The following SAMD11 variants were observed in gnomAD, a reference collection of about 807,000 sequenced individuals.
SAMD11 encodes sterile alpha motif domain containing 11, also known as sterile alpha motif domain-containing protein 11.
SAMD11 carries 77 observed loss-of-function variants against 64.4 expected under a neutral mutation model. That is an observed-to-expected ratio of 1.20 (90% confidence interval 0.99 to 1.44). SAMD11 has a LOEUF of 1.44. SAMD11 is among the 40% of genes most tolerant of loss of function. The pLI is 0.00. For missense variants in SAMD11, 1,402 were observed against 943.3 expected (o/e 1.49, Z -6.37); for synonymous variants, 658 against 421.9 (o/e 1.56, Z -6.86).
rs1641957570 is a variant in SAMD11, at chr1:943,588, ACT to A, written c.2179-109_2179-108del. The A allele has an allele frequency of 1.3e-5, 14 of 1,077,966 alleles. No homozygotes were observed. The African/African-American group carries it at 1.5e-4, about 11-fold the overall frequency. The allele number at this position is 1,077,966 out of a possible 1,614,324, so 66.8% of individuals were successfully genotyped here. A position where few individuals can be genotyped will look rare whatever the true frequency, so the allele number is the denominator to read the frequency against. ...GCCTGACACTCAAACCCAACAGATCACTGTTTTTAAAAAATTTCCGTGAGCTG... is the reference window on the plus strand; with the variant it reads ...GCCTGACACTCAAACCCAACAGATCAGTTTTTAAAAAATTTCCGTGAGCTG... On this transcript the variant is annotated intron_variant, in intron 12 of 13. Coordinates refer to ENST00000616016, the MANE Select transcript of SAMD11 (RefSeq NM_001385641.1).
chr1:943,467 C>CCAA, intron 12 of SAMD11, 90 bp downstream of exon 12: 1 of 1,170,458 alleles, frequency 8.5e-7, no homozygotes, highest in Non-Finnish European at 1.2e-6. Context: ...GGGCCATTCC[C>CCAA]CAACGCCCTC....
At chr1:926,961 G>C (rs1640922512) in intron 2 of SAMD11, among the ~76,000 whole-genome samples, 1 of 152,182 alleles carries the variant, frequency 6.6e-6, no homozygotes, top group African/African-American at 2.4e-5. Context: ...GGTAGGATGG[G>C]GGAGGGGATG....
chr1:925,101 T>G (rs1186528970), intron 1 of SAMD11, 153 bp downstream of exon 1: 2 of 150,338 alleles, frequency 1.3e-5, no homozygotes, highest in Non-Finnish European at 3.0e-5. Flanking sequence ...GAGGCCTCGG[T>G]GAACACGGAC....
chr1:927,449 C>T (rs545076985), intron 2 of SAMD11, among the ~76,000 whole-genome samples: 3 of 152,328 alleles, frequency 2.0e-5, no homozygotes, highest in East Asian at 3.9e-4. Context: ...GATGCCCCCC[C>T]ACCTGGGGCT....
At chr1:941,007 G>T (rs998597375) in intron 7 of SAMD11, 137 bp from the exon 8 acceptor site, 1 of 701,516 alleles carries the variant, frequency 1.4e-6, no homozygotes. Flanking sequence ...CCTGCCCCGT[G>T]CCCGAGACCA....
intron 8 of SAMD11, 80 bp downstream of exon 8, chr1:941,386 C>T: frequency 7.5e-7 from 1 of 1,336,780 alleles, no homozygotes; most frequent in South Asian, 1.5e-5. Flanking sequence ...AGCACGCGCC[C>T]CGAGAGTGCC....
At chr1:942,016 C>A (rs908782141) in intron 8 of SAMD11, 120 bp from the exon 9 acceptor site, 6 of 413,996 alleles carry the variant, frequency 1.4e-5, no homozygotes, top group African/African-American at 8.3e-5. Flanking sequence ...GGGGCCGTAA[C>A]GAGCTGCGCA....
At chr1:937,534 T>C (rs1417758873) in intron 5 of SAMD11, among the ~76,000 whole-genome samples, 1 of 152,090 alleles carries the variant, frequency 6.6e-6, no homozygotes, top group Non-Finnish European at 1.5e-5. Context: ...CCTGAGGGCA[T>C]GTGCATGGTG....
At position 944,501 on chromosome 1, in the gene SAMD11, GCCACA is replaced by G; in HGVS notation, c.*352_*356del. ...AGCCCACAGCTGTGGGGCTTCAGCA[GCCACA>G]CCAGCCCAGCCCAGCCCAGCTCTCG... On this transcript the variant is annotated 3_prime_UTR_variant, in exon 14 of 14. Coordinates refer to ENST00000616016, the MANE Select transcript of SAMD11 (RefSeq NM_001385641.1). The G allele has an allele frequency of 4.7e-6, 3 of 635,652 alleles. No homozygotes were observed. The highest frequency in any genetic ancestry group is 7.8e-6 in the Non-Finnish European group (3 of 384,920). 39.4% of individuals were successfully genotyped at this position (635,652 alleles called of 1,614,324 possible). A position where few individuals can be genotyped will look rare whatever the true frequency, so the allele number is the denominator to read the frequency against.
At chr1:929,804 C>G (rs1557601241) in intron 2 of SAMD11, among the ~76,000 whole-genome samples, 1 of 152,178 alleles carries the variant, frequency 6.6e-6, no homozygotes, top group African/African-American at 2.4e-5. Context: ...CCAGGACCCT[C>G]TAGCATCCTC....
At chr1:928,885 T>G (rs535360638) in intron 2 of SAMD11, among the ~76,000 whole-genome samples, 33 of 152,206 alleles carry the variant, frequency 2.2e-4, no homozygotes, top group African/African-American at 7.7e-4. Context: ...GTGATGGTGG[T>G]TCTAGGTCTG....
At chr1:943,174 A>G (rs951149461) in intron 11 of SAMD11, 79 bp from the exon 12 acceptor site, 14 of 1,602,116 alleles carry the variant, frequency 8.7e-6, no homozygotes, top group Admixed American at 1.7e-5. Flanking sequence ...CACCTCAGCA[A>G]TTGGGGCACA....
At position 943,917 on chromosome 1, in the gene SAMD11, C is replaced by A. The variant is rs140566193; in HGVS notation, c.2299C>A (p.Arg767Ser). The A allele has an allele frequency of 6.2e-7, 1 of 1,612,732 alleles. No individual in the cohort carries two copies. Among genetic ancestry groups the A allele is most frequent in the Non-Finnish European group, 8.5e-7 (1 of 1,179,812 alleles). Residue 767 changes from arginine (R) to serine (S), a missense_variant, in exon 14 of 14, where the codon CGC (arginine) becomes AGC (serine). By Grantham distance (110) the Arg-to-Ser change is moderately radical (BLOSUM62 -1). Transcript: ENST00000616016. ...ALKIRAQVAR[R>S]LGRVFYVASF... Reference sequence around the variant, plus strand: ...GGCCATCTCTCTGCAGGTGGCCAGGCGCCTGGGCCGAGTTTTCTACGTGGC... The same window carrying A: ...GGCCATCTCTCTGCAGGTGGCCAGGAGCCTGGGCCGAGTTTTCTACGTGGC...
rs1249847085 is a variant in SAMD11, at chr1:939,435, TC to T, written c.1195+28del. 3.5e-6 allele frequency: 5 copies of T among 1,438,374 alleles called. No homozygotes were observed. In the African/African-American group the frequency reaches 4.2e-5, roughly 12 times the overall value. The allele number at this position is 1,438,374 out of a possible 1,614,324, so 89.1% of individuals were successfully genotyped here. A position where few individuals can be genotyped will look rare whatever the true frequency, so the allele number is the denominator to read the frequency against. On this transcript the variant is annotated intron_variant, in intron 7 of 13. Coordinates refer to ENST00000616016, the MANE Select transcript of SAMD11 (RefSeq NM_001385641.1). ...ACGGTGAGGACCCACCCTGGCATGATCCCCCTCATCACCTCCCCAGCCACGG... is the reference window on the plus strand; with the variant it reads ...ACGGTGAGGACCCACCCTGGCATGATCCCCTCATCACCTCCCCAGCCACGG...
intron 3 of SAMD11, among the ~76,000 whole-genome samples, chr1:930,785 G>C (rs753027748): frequency 6.6e-6 from 1 of 152,232 alleles, no homozygotes; most frequent in Non-Finnish European, 1.5e-5. Context: ...AAGGGGCCTC[G>C]GTCCTGTTCT....
intron 3 of SAMD11, 85 bp downstream of exon 3, chr1:930,421 C>A: frequency 7.2e-7 from 1 of 1,383,666 alleles, no homozygotes; most frequent in Non-Finnish European, 9.8e-7. Context: ...ATGAGAGTGT[C>A]CACACCGGCC....
intron 4 of SAMD11, among the ~76,000 whole-genome samples, chr1:933,075 C>G (rs1041417851): frequency 2.0e-4 from 31 of 152,324 alleles, no homozygotes; most frequent in African/African-American, 7.5e-4. Flanking sequence ...CCCAGCTTCC[C>G]CACCTCCTGA....
At chr1:925,516 A>G (rs1640839305) in intron 1 of SAMD11, among the ~76,000 whole-genome samples, 1 of 151,944 alleles carries the variant, frequency 6.6e-6, no homozygotes, top group South Asian at 2.1e-4. Context: ...AAAGTTCGGG[A>G]CCTGAGCGGT....
At chr1:940,531 C>T (rs948778072) in intron 7 of SAMD11, 1 of 152,238 alleles carries the variant, frequency 6.6e-6, no homozygotes, top group Non-Finnish European at 1.5e-5. Flanking sequence ...TGCGGGGACT[C>T]GGGAGGCCCG....
Sources: allele counts gnomAD v4.1 joint callset (sites outside exome capture counted in the v4.1 genomes callset), GRCh38; gene constraint gnomAD v4.1.1; transcripts MANE v1.5; gene names NCBI Gene and HGNC (gene_info 2026-07-23, HGNC 2026-07-21).